GTF2I: variants seen among roughly 807,000 people sequenced by gnomAD.
GTF2I encodes the protein general transcription factor IIi.
A neutral mutation model predicts 67.6 loss-of-function variants in GTF2I; 12 were observed. The ratio of observed to expected loss-of-function variants is 0.18; its 90% CI spans 0.11 to 0.29. The LOEUF is 0.29. Ranked by LOEUF, GTF2I falls within the 10% of genes least tolerant of loss-of-function variation. The probability of loss-of-function intolerance (pLI) is 1.00; values close to 1 mark genes in which losing one functional copy is unlikely to be tolerated. For synonymous variants in GTF2I, 149 were observed against 197.0 expected (o/e 0.76, Z 2.04); for missense variants, 271 against 580.1 (o/e 0.47, Z 5.47).
At chr7:74,691,166 G>T in intron 3 of GTF2I, 55 bp downstream of exon 3, 3 of 1,184,986 alleles carry the variant, frequency 2.5e-6, no homozygotes, top group Non-Finnish European at 3.7e-6. Flanking sequence ...CTAAATATTT[G>T]TAGGTAAGAC....
chr7:74,716,317 A>G (rs1338746280), intron 10 of GTF2I, among the ~76,000 whole-genome samples: 4 of 152,108 alleles, frequency 2.6e-5, no homozygotes, highest in Admixed American at 6.5e-5. Flanking sequence ...GGCAGATTAT[A>G]TTACCTGACT....
At chr7:74,659,059 A>G (rs1554385155) in intron 1 of GTF2I, among the ~76,000 whole-genome samples, 1 of 119,460 alleles carries the variant, frequency 8.4e-6, no homozygotes, top group Non-Finnish European at 1.9e-5. Context: ...GGCGATGCGC[A>G]GCTCTTGCTG....
intron 1 of GTF2I, among the ~76,000 whole-genome samples, chr7:74,686,997 C>A (rs1787797457): frequency 6.6e-6 from 1 of 151,288 alleles, no homozygotes; most frequent in Non-Finnish European, 1.5e-5. Flanking sequence ...TCAATTGATT[C>A]TCGTGCCTCA....
chr7:74,715,160 A>T (rs1326039056), intron 10 of GTF2I, among the ~76,000 whole-genome samples: 4 of 152,070 alleles, frequency 2.6e-5, no homozygotes, highest in Non-Finnish European at 4.4e-5. Context: ...ACACTTTCCT[A>T]TTGAAGGTAA....
chr7:74,695,820 T>C (rs1788834149), intron 3 of GTF2I, among the ~76,000 whole-genome samples: 1 of 152,282 alleles, frequency 6.6e-6, no homozygotes, highest in South Asian at 2.1e-4. Flanking sequence ...TATCAGCTGC[T>C]GTCTGCCCCA....
At chr7:74,712,012 C>T (rs1305648446) in intron 9 of GTF2I, among the ~76,000 whole-genome samples, 29 of 148,310 alleles carry the variant, frequency 2.0e-4, no homozygotes, top group African/African-American at 4.5e-4. Flanking sequence ...TGCAGTGGCG[C>T]GATCTTGGCT....
At chr7:74,710,069 A>G (rs1435025888) in intron 8 of GTF2I, among the ~76,000 whole-genome samples, 1 of 152,224 alleles carries the variant, frequency 6.6e-6, no homozygotes, top group Non-Finnish European at 1.5e-5. Context: ...GTTCTCTGCC[A>G]CCACTGTGTA....
rs1794607009 is a variant in GTF2I at position 74,732,772 on chromosome 7, G to A, written c.1304+110G>A. 3 of 1,410,740 alleles carry A rather than the reference G, an allele frequency of 2.1e-6. No individual in the cohort carries two copies. The African/African-American group carries it at 4.4e-5, about 21-fold the overall frequency. 87.4% of individuals were successfully genotyped at this position (1,410,740 alleles called of 1,614,324 possible). A position where few individuals can be genotyped will look rare whatever the true frequency, so the allele number is the denominator to read the frequency against. On this transcript the variant is annotated intron_variant, in intron 15 of 34. Transcript: ENST00000573035. Reference sequence around the variant, plus strand: ...CTAGGTTCTATGTGATGAAGTTTGAGTTATTTTATGTATTTTTATCTTGCA... The same window carrying A: ...CTAGGTTCTATGTGATGAAGTTTGAATTATTTTATGTATTTTTATCTTGCA...
intron 6 of GTF2I, among the ~76,000 whole-genome samples, chr7:74,703,998 GT>G (rs1790213975): frequency 6.6e-6 from 1 of 152,166 alleles, no homozygotes; most frequent in Admixed American, 6.5e-5. Context: ...ATCATGTTGT[GT>G]GAGAATCAAG....
chr7:74,673,285 A>T (rs782525565), intron 1 of GTF2I, among the ~76,000 whole-genome samples: 6 of 152,166 alleles, frequency 3.9e-5, no homozygotes, highest in Non-Finnish European at 8.8e-5. Flanking sequence ...CTAATCTGAA[A>T]AATATAGTAA....
chr7:74,660,616 C>A (rs1482485274), intron 1 of GTF2I, among the ~76,000 whole-genome samples: 1 of 111,250 alleles, frequency 9.0e-6, no homozygotes, highest in East Asian at 3.4e-4. Context: ...TTTTTCTTTT[C>A]TTTTCTTTTT....
intron 1 of GTF2I, among the ~76,000 whole-genome samples, chr7:74,669,718 A>G (rs1554389931): frequency 6.7e-6 from 1 of 150,158 alleles, no homozygotes; most frequent in Non-Finnish European, 1.5e-5. Context: ...TTATTAGTAG[A>G]GACGGGGTTT....
At chr7:74,724,468 T>G (rs781929645) in intron 12 of GTF2I, among the ~76,000 whole-genome samples, 5 of 152,360 alleles carry the variant, frequency 3.3e-5, no homozygotes, top group African/African-American at 1.2e-4. Context: ...TGTATTATCT[T>G]TAGGTGTATT....
intron 9 of GTF2I, among the ~76,000 whole-genome samples, chr7:74,714,259 C>G (rs1447827179): frequency 1.3e-5 from 2 of 152,056 alleles, no homozygotes; most frequent in African/African-American, 4.8e-5. Context: ...AGAGTACTTT[C>G]TGTGTTTTGG....
chr7:74,709,157 T>G (rs782075856), intron 8 of GTF2I, among the ~76,000 whole-genome samples: 1 of 152,192 alleles, frequency 6.6e-6, no homozygotes, highest in Non-Finnish European at 1.5e-5. Context: ...ACAAACACAT[T>G]TGTAACAGAC....
chr7:74,727,689 A>C (rs1367968776), intron 12 of GTF2I: 1 of 152,146 alleles, frequency 6.6e-6, no homozygotes, highest in African/African-American at 2.4e-5. Context: ...TATTTTATAG[A>C]TGATGTTTGA....
At chr7:74,717,154 G>A (rs1449761878) in intron 11 of GTF2I, 16 of 518,572 alleles carry the variant, frequency 3.1e-5, no homozygotes, top group Non-Finnish European at 4.3e-5. Flanking sequence ...AAAGCCTATG[G>A]GAATGAAACT....
chr7:74,706,516 ATTGTT>A, intron 8 of GTF2I, 83 bp downstream of exon 8: 2 of 1,059,372 alleles, frequency 1.9e-6, no homozygotes, highest in South Asian at 2.6e-5. Context: ...TGACTCAATT[ATTGTT>A]TTGTTTTGAT....
intron 1 of GTF2I, among the ~76,000 whole-genome samples, chr7:74,676,859 C>A (rs587754007): frequency 7.2e-5 from 11 of 152,144 alleles, no homozygotes; most frequent in African/African-American, 2.4e-4. Context: ...AGTTCAAGAC[C>A]AGCCTGGCCA....
Sources: gnomAD v4.1 joint callset for allele counts (sites outside exome capture counted in the v4.1 genomes callset) on GRCh38, gnomAD v4.1.1 for gene constraint, MANE v1.5 for transcripts, NCBI Gene and HGNC (gene_info 2026-07-23, HGNC 2026-07-21) for gene names.